Variants in MSRA observed in about 807,000 individuals in gnomAD.
MSRA encodes the protein methionine sulfoxide reductase A.
In MSRA, 54 loss-of-function variants were observed where a neutral mutation model predicts 31.3. The ratio of observed to expected loss-of-function variants is 1.73; its 90% CI spans 1.39 to 2.17. MSRA has a LOEUF of 2.17. MSRA is among the 30% of genes most tolerant of loss of function. The pLI, the probability that MSRA is intolerant of heterozygous loss-of-function variation, is 0.00. For synonymous variants in MSRA, 169 were observed against 116.5 expected, an observed-to-expected ratio of 1.45 and a Z score of -2.90; for missense variants, 507 against 300.9, an observed-to-expected ratio of 1.69 and a Z score of -5.07.
intron 1 of MSRA, among the ~76,000 whole-genome samples, chr8:10,075,282 G>T (rs373648901): frequency 6.6e-6 from 1 of 152,094 alleles, no homozygotes; most frequent in African/African-American, 2.4e-5. Context: ...ATATTCTGTA[G>T]TATCGTATTT....
intron 1 of MSRA, among the ~76,000 whole-genome samples, chr8:10,159,691 C>G (rs1046633899): frequency 1.3e-5 from 2 of 152,142 alleles, no homozygotes; most frequent in Non-Finnish European, 2.9e-5. Flanking sequence ...GGGGTTGCCT[C>G]TTGTAAGGCA....
At chr8:10,148,906 T>C (rs1246451013) in intron 1 of MSRA, among the ~76,000 whole-genome samples, 7 of 150,414 alleles carry the variant, frequency 4.7e-5, no homozygotes, top group Non-Finnish European at 1.0e-4. Context: ...ACAACTCCGA[T>C]GAGTCCGAGT....
intron 2 of MSRA, among the ~76,000 whole-genome samples, chr8:10,226,302 G>A (rs959355705): frequency 6.6e-6 from 1 of 152,198 alleles, no homozygotes; most frequent in African/African-American, 2.4e-5. Flanking sequence ...TTCCTTCTGG[G>A]ATGAAATGGA....
chr8:10,260,654 G>A (rs1195112517), intron 3 of MSRA, among the ~76,000 whole-genome samples: 2 of 152,152 alleles, frequency 1.3e-5, no homozygotes, highest in African/African-American at 2.4e-5. Flanking sequence ...AGACACAGGT[G>A]CCCCTGATGT....
At chr8:10,286,600 G>C (rs547822943) in intron 3 of MSRA, among the ~76,000 whole-genome samples, 3 of 152,240 alleles carry the variant, frequency 2.0e-5, no homozygotes, top group African/African-American at 7.2e-5. Flanking sequence ...CAAACATCCA[G>C]TTAGATATAC....
chr8:10,243,205 C>T (rs901784413), intron 2 of MSRA, among the ~76,000 whole-genome samples: 1 of 152,052 alleles, frequency 6.6e-6, no homozygotes, highest in Non-Finnish European at 1.5e-5. Flanking sequence ...CGCTGTTAGT[C>T]GTTGTGCAGC....
chr8:10,248,328 A>G (rs891156152), intron 3 of MSRA, among the ~76,000 whole-genome samples: 2 of 152,224 alleles, frequency 1.3e-5, no homozygotes, highest in Non-Finnish European at 2.9e-5. Context: ...CTTGAGCTTA[A>G]GGTACCATGT....
rs768468134 is a variant in MSRA, at chr8:10,320,008, C to G, written c.543+19C>G. The G allele has an allele frequency of 3.2e-6, 5 of 1,558,292 alleles. No individual in the cohort carries two copies. In the African/African-American group the frequency reaches 6.8e-5, roughly 21 times the overall value. On this transcript the variant is annotated intron_variant, in intron 5 of 5. Coordinates refer to ENST00000317173, the MANE Select transcript of MSRA (RefSeq NM_012331.5). ...CCAAAAGGTAGGGATTGCTGGGCTC[C>G]TAGCCCCTGGCTTAGGCCACCATGA...
chr8:10,171,554 T>C (rs1003462613), intron 1 of MSRA, among the ~76,000 whole-genome samples: 20 of 152,184 alleles, frequency 1.3e-4, no homozygotes, highest in East Asian at 9.6e-4. Context: ...AGAAGAAATA[T>C]ACTTTTTAAT....
intron 5 of MSRA, among the ~76,000 whole-genome samples, chr8:10,348,705 A>C (rs532757574): frequency 6.6e-6 from 1 of 152,220 alleles, no homozygotes; most frequent in South Asian, 2.1e-4. Flanking sequence ...TCATACTACC[A>C]AGGCATCTAA....
rs544234648 is a variant in MSRA, at chr8:10,265,733, C to T, written c.331+20510C>T. ...AGATCCATTCCCCAAAAAAAGTTAC[C>T]TCGCATGCCTTCATCATTCCTCCCC... On this transcript the variant is annotated intron_variant, in intron 3 of 5. Coordinates refer to ENST00000317173, the MANE Select transcript of MSRA (RefSeq NM_012331.5). Among the ~76,000 whole-genome samples, 4 of 152,328 alleles carry T rather than the reference C, an allele frequency of 2.6e-5. No individual in the cohort carries two copies. The South Asian group carries it at 8.3e-4, about 32-fold the overall frequency.
intron 5 of MSRA, among the ~76,000 whole-genome samples, chr8:10,346,771 G>C (rs1003052533): frequency 6.6e-6 from 1 of 152,202 alleles, no homozygotes; most frequent in South Asian, 2.1e-4. Context: ...ACAAAAGTTA[G>C]GGAAACTGTC....
At chr8:10,110,714 C>G (rs534990348) in intron 1 of MSRA, among the ~76,000 whole-genome samples, 1 of 152,184 alleles carries the variant, frequency 6.6e-6, no homozygotes, top group South Asian at 2.1e-4. Context: ...GCTGGCTGAC[C>G]TGTGCTGTCT....
intron 5 of MSRA, among the ~76,000 whole-genome samples, chr8:10,350,859 C>G (rs1032815592): frequency 6.6e-6 from 1 of 152,272 alleles, no homozygotes; most frequent in Non-Finnish European, 1.5e-5. Context: ...TGTCCCAGCC[C>G]TCTGCCTAGT....
intron 5 of MSRA, among the ~76,000 whole-genome samples, chr8:10,374,263 T>C (rs1805635778): frequency 1.3e-5 from 2 of 152,216 alleles, no homozygotes; most frequent in African/African-American, 4.8e-5. Flanking sequence ...TGGACAGAGA[T>C]ATTAGAGGAG....
chr8:10,418,742 G>C (rs1345017351), intron 5 of MSRA, among the ~76,000 whole-genome samples: 1 of 132,620 alleles, frequency 7.5e-6, no homozygotes, highest in Non-Finnish European at 1.5e-5. Context: ...GTACAACAAA[G>C]TGAAGGTACT....
intron 3 of MSRA, among the ~76,000 whole-genome samples, chr8:10,279,725 G>A (rs749557289): frequency 2.0e-5 from 3 of 152,306 alleles, no homozygotes; most frequent in Admixed American, 6.5e-5. Context: ...ATTGAGCAAC[G>A]TCTGACACCT....
chr8:10,061,629 A>C (rs1585065907), intron 1 of MSRA, among the ~76,000 whole-genome samples: 1 of 152,062 alleles, frequency 6.6e-6, no homozygotes, highest in Admixed American at 6.5e-5. Flanking sequence ...TGCAGTCAAT[A>C]GTGTTTTATG....
At chr8:10,187,224 G>C (rs1329807361) in intron 1 of MSRA, among the ~76,000 whole-genome samples, 1 of 152,214 alleles carries the variant, frequency 6.6e-6, no homozygotes, top group Non-Finnish European at 1.5e-5. Flanking sequence ...GATCCACAGT[G>C]ACTGAGCATG....
Sources: allele counts gnomAD v4.1 joint callset (sites outside exome capture counted in the v4.1 genomes callset), GRCh38; gene constraint gnomAD v4.1.1; transcripts MANE v1.5; gene names NCBI Gene and HGNC (gene_info 2026-07-23, HGNC 2026-07-21).